Variants in AAMDC observed in about 807,000 individuals in gnomAD.
AAMDC encodes the protein mth938 domain-containing protein.
Under a neutral mutation model 15.5 loss-of-function variants are expected in AAMDC, and 16 were observed. That is an observed-to-expected ratio of 1.03 (90% CI 0.70 to 1.57). The LOEUF (loss-of-function observed/expected upper bound fraction) is 1.57, where lower values mean the gene tolerates loss of function less well. Ranked by LOEUF, AAMDC falls within the 40% of genes most tolerant of loss-of-function variation. The probability of loss-of-function intolerance (pLI) is 0.00; values close to 1 mark genes in which losing one functional copy is unlikely to be tolerated. For missense variants in AAMDC, 141 were observed against 144.9 expected (o/e 0.97, Z 0.14); for synonymous variants, 51 against 51.6 (o/e 0.99, Z 0.05).
chr11:77,857,309 G>T (rs1950662012), intron 2 of AAMDC, among the ~76,000 whole-genome samples: 1 of 152,178 alleles, frequency 6.6e-6, no homozygotes, highest in Admixed American at 6.5e-5. Context: ...ACTCTTGAAG[G>T]AGAAGTTTCC....
chr11:77,854,871 C>T (rs905952571), intron 2 of AAMDC, among the ~76,000 whole-genome samples: 26 of 152,228 alleles, frequency 1.7e-4, no homozygotes, highest in African/African-American at 3.1e-4. Flanking sequence ...ATGAGGGCTA[C>T]GCACCCCCAG....
intron 1 of AAMDC, among the ~76,000 whole-genome samples, chr11:77,833,006 T>TAC (rs1949517266): frequency 1.2e-5 from 1 of 86,780 alleles, no homozygotes; most frequent in Non-Finnish European, 2.2e-5. Flanking sequence ...TGTATATATA[T>TAC]ATATTTTTTT....
chr11:77,877,113 A>T, downstream of AAMDC: 1 of 689,494 alleles, frequency 1.5e-6, no homozygotes, highest in Non-Finnish European at 2.6e-6. Context: ...CCTCTTTCGC[A>T]CTCATGACCT....
intron 2 of AAMDC, among the ~76,000 whole-genome samples, chr11:77,860,792 G>C (rs1373904947): frequency 6.6e-6 from 1 of 152,174 alleles, no homozygotes; most frequent in Non-Finnish European, 1.5e-5. Context: ...TTAAGGTCCA[G>C]GACTGTAAAC....
chr11:77,858,319 T>TTTTTTTTTG (rs1950722151), intron 2 of AAMDC, among the ~76,000 whole-genome samples: 1 of 143,560 alleles, frequency 7.0e-6, no homozygotes, highest in Non-Finnish European at 1.5e-5. Context: ...TTTTTTTTTT[T>TTTTTTTTTG]TTTTTTTTGT....
intron 5 of AAMDC, among the ~76,000 whole-genome samples, chr11:77,899,690 A>G (rs1952693870): frequency 6.6e-6 from 1 of 152,074 alleles, no homozygotes; most frequent in East Asian, 1.9e-4. Flanking sequence ...AAAAAGAAAA[A>G]TATAAAATAT....
downstream of AAMDC, among the ~76,000 whole-genome samples, chr11:77,873,226 C>G (rs1239800701): frequency 3.9e-5 from 6 of 152,228 alleles, no homozygotes; most frequent in Admixed American, 3.9e-4. Context: ...CTTAGTTTCA[C>G]TGTTCTCATC....
downstream of AAMDC, among the ~76,000 whole-genome samples, chr11:77,904,632 G>A (rs766691109): frequency 4.6e-5 from 7 of 152,178 alleles, no homozygotes; most frequent in Non-Finnish European, 7.4e-5. Context: ...CTAAACTGTA[G>A]ATAAAAACTA....
At chr11:77,841,068 C>A in intron 1 of AAMDC, 1 of 627,880 alleles carries the variant, frequency 1.6e-6, no homozygotes, top group Non-Finnish European at 2.9e-6. Context: ...CTGGTGAGAG[C>A]CTTCTTGCTG....
intron 5 of AAMDC, among the ~76,000 whole-genome samples, chr11:77,883,225 C>A (rs1951862224): frequency 6.6e-6 from 1 of 152,110 alleles, no homozygotes; most frequent in South Asian, 2.1e-4. Context: ...TGAACCATCT[C>A]CAATTATTTG....
intron 1 of AAMDC, among the ~76,000 whole-genome samples, chr11:77,835,739 C>T (rs1321579667): frequency 5.3e-5 from 8 of 151,628 alleles, no homozygotes; most frequent in South Asian, 2.1e-4. Flanking sequence ...GCAAACATGG[C>T]GAAACCCTGT....
intron 5 of AAMDC, among the ~76,000 whole-genome samples, chr11:77,881,118 GAGA>G (rs1254242592): frequency 1.3e-5 from 2 of 152,188 alleles, no homozygotes; most frequent in Admixed American, 6.5e-5. Context: ...GGGAACTTGG[GAGA>G]AGGAGACAAG....
intron 1 of AAMDC, among the ~76,000 whole-genome samples, chr11:77,821,908 C>T (rs1948924032): frequency 6.6e-6 from 1 of 152,026 alleles, no homozygotes; most frequent in Non-Finnish European, 1.5e-5. Flanking sequence ...TTCTTTATTT[C>T]TTTGAACTCC....
intron 1 of AAMDC, chr11:77,841,331 T>A: frequency 1.5e-6 from 1 of 666,266 alleles, no homozygotes; most frequent in East Asian, 2.7e-5. Flanking sequence ...AATTCTCCCA[T>A]GCAATATGTG....
At chr11:77,858,076 T>C (rs977733574) in intron 2 of AAMDC, among the ~76,000 whole-genome samples, 1 of 152,010 alleles carries the variant, frequency 6.6e-6, no homozygotes, top group Non-Finnish European at 1.5e-5. Context: ...TGGAGTACAG[T>C]GGTATGATCA....
chr11:77,898,339 T>G (rs1952620704), intron 5 of AAMDC, among the ~76,000 whole-genome samples: 1 of 152,122 alleles, frequency 6.6e-6, no homozygotes, highest in Non-Finnish European at 1.5e-5. Context: ...ATTTTTTGTA[T>G]TTTTAGTAGA....
intron 5 of AAMDC, among the ~76,000 whole-genome samples, chr11:77,884,264 G>A (rs780000566): frequency 1.3e-5 from 2 of 152,136 alleles, no homozygotes; most frequent in African/African-American, 2.4e-5. Flanking sequence ...TTCACCAGAA[G>A]AGCACTCCCT....
chr11:77,876,891 C>G (rs948058823), downstream of AAMDC: 9 of 682,230 alleles, frequency 1.3e-5, no homozygotes, highest in Non-Finnish European at 2.1e-5. Flanking sequence ...AGAAGGTTTT[C>G]TATAATTACA....
intron 1 of AAMDC, chr11:77,841,368 GT>G: frequency 1.7e-6 from 1 of 581,188 alleles, no homozygotes; most frequent in South Asian, 2.2e-5. Context: ...TTCTGTTAGA[GT>G]TTTTTCCTTG....
Sources: gnomAD v4.1 joint callset for allele counts (sites outside exome capture counted in the v4.1 genomes callset) on GRCh38, gnomAD v4.1.1 for gene constraint, MANE v1.5 for transcripts, NCBI Gene and HGNC (gene_info 2026-07-23, HGNC 2026-07-21) for gene names.